TXNDC16: variants seen among roughly 807,000 people sequenced by gnomAD.
TXNDC16 encodes thioredoxin domain containing 16, also known as thioredoxin domain-containing protein 16.
TXNDC16 carries 74 observed loss-of-function variants against 85.6 expected under a neutral mutation model. The observed-to-expected ratio is 0.86, with a 90% CI of 0.72 to 1.05. The LOEUF (loss-of-function observed/expected upper bound fraction) is 1.05, where lower values mean the gene tolerates loss of function less well. Ranked by LOEUF, TXNDC16 falls within the 50% of genes least tolerant of loss-of-function variation. TXNDC16 has a pLI of 0.00. For synonymous variants in TXNDC16, 335 were observed against 326.5 expected (o/e 1.03, Z -0.28); for missense variants, 959 against 947.0 (o/e 1.01, Z -0.17).
chr14:52,437,854 T>C (rs2035066974), intron 20 of TXNDC16, among the ~76,000 whole-genome samples: 1 of 152,114 alleles, frequency 6.6e-6, no homozygotes. Context: ...AAATCAAACC[T>C]ACAATGAGAT....
chr14:52,547,007 T>C (rs548283335), intron 1 of TXNDC16, among the ~76,000 whole-genome samples: 1 of 152,366 alleles, frequency 6.6e-6, no homozygotes, highest in African/African-American at 2.4e-5. Context: ...AACTTATTTA[T>C]AGCTCTAAAA....
rs754734150 is a variant in TXNDC16, at chr14:52,457,135, C to T, written c.1658G>A (p.Gly553Glu). 6 of 1,592,708 alleles carry T rather than the reference C, an allele frequency of 3.8e-6. No individual in the cohort carries two copies. The Admixed American group carries it at 9.1e-5, about 24-fold the overall frequency. ...AGAATAAATTCCAGTGATAACATAT[C>T]CTTTTAGGTAGTTTCCTGCTTCACT... Reference protein sequence around the residue: ...DFSEAGNYLKGYVITGIYSEE... With the variant: ...DFSEAGNYLKEYVITGIYSEE... Residue 553 changes from glycine to glutamate, a missense_variant, in exon 17 of 21, where the codon GGA becomes GAA. Transcript: ENST00000281741.
intron 4 of TXNDC16, among the ~76,000 whole-genome samples, chr14:52,537,934 G>A (rs1416988566): frequency 6.6e-6 from 1 of 152,152 alleles, no homozygotes; most frequent in Non-Finnish European, 1.5e-5. Context: ...TTTAAGGCAA[G>A]ACAAAAAGTA....
chr14:52,450,983 G>T (rs1202771689), intron 18 of TXNDC16, among the ~76,000 whole-genome samples: 3 of 151,666 alleles, frequency 2.0e-5, no homozygotes, highest in Non-Finnish European at 2.9e-5. Flanking sequence ...AAGCAACCTG[G>T]ATGGAGCTGG....
chr14:52,495,529 T>TC (rs1381453494), intron 9 of TXNDC16, among the ~76,000 whole-genome samples: 4 of 152,232 alleles, frequency 2.6e-5, no homozygotes, highest in African/African-American at 9.6e-5. Flanking sequence ...GACTCCACCA[T>TC]CCCACAGGTA....
chr14:52,467,007 A>G (rs1025049088), intron 16 of TXNDC16, among the ~76,000 whole-genome samples: 7 of 152,110 alleles, frequency 4.6e-5, no homozygotes, highest in African/African-American at 7.2e-5. Context: ...ACAAGAAAAT[A>G]TTTAAAAAGA....
At chr14:52,551,230 GA>G (rs1245154517) in intron 1 of TXNDC16, among the ~76,000 whole-genome samples, 3 of 150,224 alleles carry the variant, frequency 2.0e-5, no homozygotes, top group African/African-American at 7.4e-5. Flanking sequence ...ACTTAGCTAG[GA>G]AAAAAGACAG....
At chr14:52,444,285 GTT>G (rs2035231585) in intron 18 of TXNDC16, among the ~76,000 whole-genome samples, 1 of 152,104 alleles carries the variant, frequency 6.6e-6, no homozygotes, top group Non-Finnish European at 1.5e-5. Flanking sequence ...AAGGAACTCA[GTT>G]TATCTGAGAA....
chr14:52,514,015 T>C (rs970130706), intron 8 of TXNDC16, among the ~76,000 whole-genome samples: 1 of 152,084 alleles, frequency 6.6e-6, no homozygotes, highest in Admixed American at 6.6e-5. Flanking sequence ...ATCAGCAGAA[T>C]GAGACAGGTC....
chr14:52,506,608 C>A (rs1295615120), intron 9 of TXNDC16, among the ~76,000 whole-genome samples: 3 of 128,030 alleles, frequency 2.3e-5, no homozygotes, highest in Admixed American at 8.6e-5. Flanking sequence ...AGACTGCGGA[C>A]TGCAGTGGCG....
At chr14:52,495,819 T>C (rs2036518120) in intron 9 of TXNDC16, among the ~76,000 whole-genome samples, 2 of 152,168 alleles carry the variant, frequency 1.3e-5, no homozygotes, top group Non-Finnish European at 1.5e-5. Flanking sequence ...GTCCTTTGCA[T>C]ACAGCTCCTT....
At chr14:52,530,439 A>ATATATTATT (rs1491357174) in intron 6 of TXNDC16, among the ~76,000 whole-genome samples, 10 of 3,108 alleles carry the variant, frequency 3.2e-3, no homozygotes, top group East Asian at 0.042. Flanking sequence ...AATAATATAT[A>ATATATTATT]ATATATTATT....
chr14:52,542,284 T>C (rs1262776836), intron 4 of TXNDC16, 87 bp downstream of exon 4: 1 of 819,668 alleles, frequency 1.2e-6, no homozygotes, highest in Non-Finnish European at 1.9e-6. Flanking sequence ...AGATATGAAA[T>C]GGAAGTATTT....
chr14:52,537,244 G>A (rs1318567701), intron 5 of TXNDC16, among the ~76,000 whole-genome samples: 1 of 152,164 alleles, frequency 6.6e-6, no homozygotes, highest in Non-Finnish European at 1.5e-5. Flanking sequence ...AGTGCAGAGA[G>A]ATTGGCAGAT....
In TXNDC16 at chr14:52,439,225, C is replaced by T. The variant is rs1354915238; in HGVS notation, c.2173G>A (p.Ala725Thr). The change falls in exon 20 of 21, where the codon GCA becomes ACA. Residue 725 changes from alanine to threonine, a missense_variant. Coordinates refer to ENST00000281741, the MANE Select transcript of TXNDC16 (RefSeq NM_020784.3). ...NLVLWLKKLE[A>T]GLENHITILP... ...TTACTGATATGATTTTCTAGTCCTG[C>T]TTCTAATTTCTTCAGCCACAATACA... The T allele has an allele frequency of 3.7e-6, 6 of 1,613,862 alleles. No homozygotes were observed.
chr14:52,503,130 C>CT (rs2036702091), intron 9 of TXNDC16, among the ~76,000 whole-genome samples: 1 of 152,232 alleles, frequency 6.6e-6, no homozygotes, highest in South Asian at 2.1e-4. Context: ...CTGCCTGCCT[C>CT]TGTAGACTCC....
At chr14:52,546,375 G>C (rs953768688) in intron 1 of TXNDC16, among the ~76,000 whole-genome samples, 3 of 152,174 alleles carry the variant, frequency 2.0e-5, no homozygotes, top group Non-Finnish European at 2.9e-5. Context: ...ATGCGGCCTT[G>C]TTACCTCGGT....
chr14:52,491,116 AAT>A, intron 9 of TXNDC16, 111 bp from the exon 10 acceptor site: 1 of 1,189,186 alleles, frequency 8.4e-7, no homozygotes, highest in Non-Finnish European at 1.1e-6. Flanking sequence ...AGTGTAAAAT[AAT>A]CCAACACTAA....
intron 16 of TXNDC16, among the ~76,000 whole-genome samples, chr14:52,469,189 C>T (rs1229331941): frequency 6.7e-6 from 1 of 148,688 alleles, no homozygotes; most frequent in Non-Finnish European, 1.5e-5. Flanking sequence ...TCTACAAAAA[C>T]ACAAAAAATT....
Sources: allele counts gnomAD v4.1 joint callset (sites outside exome capture counted in the v4.1 genomes callset), GRCh38; gene constraint gnomAD v4.1.1; transcripts MANE v1.5; gene names NCBI Gene and HGNC (gene_info 2026-07-23, HGNC 2026-07-21).